TEKT3: variants seen among roughly 807,000 people sequenced by gnomAD.
The protein encoded by TEKT3 is tektin 3, also known as tektin-3.
TEKT3 carries 49 observed loss-of-function variants against 49.8 expected under a neutral mutation model. The ratio of observed to expected loss-of-function variants is 0.98; its 90% CI spans 0.78 to 1.25. TEKT3 has a LOEUF of 1.25. TEKT3 is among the 50% of genes most tolerant of loss of function. The probability of loss-of-function intolerance (pLI) is 0.00; values close to 1 mark genes in which losing one functional copy is unlikely to be tolerated. For synonymous variants in TEKT3, 225 were observed against 237.2 expected (o/e 0.95, Z 0.47); for missense variants, 595 against 629.5 (o/e 0.95, Z 0.59).
At chr17:15,323,913 T>C (rs546799253) in intron 4 of TEKT3, among the ~76,000 whole-genome samples, 45 of 152,342 alleles carry the variant, frequency 3.0e-4, no homozygotes, top group African/African-American at 1.1e-3. Flanking sequence ...GGTTCTTGTT[T>C]TTAAGAAACA....
intron 5 of TEKT3, among the ~76,000 whole-genome samples, chr17:15,315,120 GC>G (rs1186821285): frequency 2.6e-5 from 4 of 152,234 alleles, no homozygotes; most frequent in Non-Finnish European, 5.9e-5. Context: ...TCTCTAAGGA[GC>G]CGACATGTTT....
rs977910819 is a variant in TEKT3, at chr17:15,341,505, C to G, written c.-64+13G>C. ...AGTCCTAGAGGCAGGCTAGAGTCAG[C>G]GAGACCACTCACCTGTCGGCGGATG... On this transcript the variant is annotated intron_variant, in intron 1 of 8. Coordinates refer to ENST00000395930, the MANE Select transcript of TEKT3 (RefSeq NM_031898.3). 2 of 152,246 alleles carry G rather than the reference C, an allele frequency of 1.3e-5. No homozygotes were observed. The highest frequency in any genetic ancestry group is 2.9e-5 in the Non-Finnish European group (2 of 68,110). 9.4% of individuals were successfully genotyped at this position (152,246 alleles called of 1,614,324 possible). A position where few individuals can be genotyped will look rare whatever the true frequency, so the allele number is the denominator to read the frequency against.
intron 7 of TEKT3, among the ~76,000 whole-genome samples, chr17:15,310,219 G>A (rs557802098): frequency 1.3e-5 from 2 of 152,306 alleles, no homozygotes; most frequent in Admixed American, 6.5e-5. Flanking sequence ...GCACCTTTCT[G>A]ATGCAAATTC....
intron 5 of TEKT3, among the ~76,000 whole-genome samples, chr17:15,317,439 C>T (rs1911056334): frequency 6.6e-6 from 1 of 152,112 alleles, no homozygotes; most frequent in Non-Finnish European, 1.5e-5. Context: ...TCCTGGGGAG[C>T]AGAAACCACG....
rs527607996 is a variant in TEKT3, at chr17:15,312,247, C to T, written c.1101+12G>A. 6.8e-6 allele frequency: 11 copies of T among 1,613,286 alleles called. No individual in the cohort carries two copies. The highest frequency in any genetic ancestry group is 1.7e-4 in the Middle Eastern group (1 of 6,058). ...CAGGTCAGCTAAGGGGTACCACTGG[C>T]GGTTGATTTACCTTTGCTAAGTGCG... is the stretch of plus-strand genomic sequence containing the variant. On this transcript the variant is annotated intron_variant, in intron 7 of 8. Transcript: ENST00000395930.
chr17:15,308,519 A>C (rs1014573440), intron 8 of TEKT3, 145 bp downstream of exon 8: 1 of 1,130,216 alleles, frequency 8.8e-7, no homozygotes, highest in African/African-American at 1.5e-5. Flanking sequence ...ACTCTTCTGC[A>C]TTCAACATCT....
At chr17:15,330,794 A>G (rs1306102973) in intron 3 of TEKT3, among the ~76,000 whole-genome samples, 1 of 152,078 alleles carries the variant, frequency 6.6e-6, no homozygotes, top group Non-Finnish European at 1.5e-5. Context: ...ATTCAGAATT[A>G]CCTCTTAAAG....
chr17:15,312,504 GA>G, intron 6 of TEKT3, 23 bp from the exon 7 acceptor site: 1 of 1,606,390 alleles, frequency 6.2e-7, no homozygotes, highest in Non-Finnish European at 8.5e-7. Context: ...AGCAGAAGCA[GA>G]CAACAGTGAG....
rs1910440517 is a variant in TEKT3, at chr17:15,304,161, T to G, written c.1257-9A>C. Reference sequence around the variant, plus strand: ...GTACCTCGTTAACAAGGCTGCAGCATAAAGGAATCAGCATGGTTAGGTCAG... The same window carrying G: ...GTACCTCGTTAACAAGGCTGCAGCAGAAAGGAATCAGCATGGTTAGGTCAG... On this transcript the variant is annotated splice_polypyrimidine_tract_variant and intron_variant, in intron 8 of 8. Transcript: ENST00000395930. The surrounding 1 kb of genome is among the most constrained non-coding windows in gnomAD (Gnocchi z 4.7). 1 of 1,614,048 alleles carries G rather than the reference T, an allele frequency of 6.2e-7. No individual in the cohort carries two copies. The highest frequency in any genetic ancestry group is 8.5e-7 in the Non-Finnish European group (1 of 1,179,954).
rs544786029 is a variant in TEKT3, at chr17:15,306,173, G to A, written c.1257-2021C>T. Among the ~76,000 whole-genome samples, 325 of 151,424 alleles carry A rather than the reference G, an allele frequency of 2.1e-3. 2 individuals carry two copies. The highest frequency in any genetic ancestry group is 2.8e-3 in the Non-Finnish European group (191 of 67,926). On this transcript the variant is annotated intron_variant, in intron 8 of 8. Transcript: ENST00000395930. ...GATTATTTAAGTAGAGCAGAGCCTG[G>A]TCTGTCTGGCCTGCCACCAAAAATG...
At position 15,314,244 on chromosome 17, in the gene TEKT3, T is replaced by G. The variant is rs201966452; in HGVS notation, c.735-14A>C. On this transcript the variant is annotated splice_polypyrimidine_tract_variant and intron_variant, in intron 5 of 8. Transcript: ENST00000395930. ...GCTCTGTTGGCTCTGCAATACAGAGTCGGGAAGTGGAGCTTCACACTCAGG... is the reference window on the plus strand; with the variant it reads ...GCTCTGTTGGCTCTGCAATACAGAGGCGGGAAGTGGAGCTTCACACTCAGG... 1.5e-5 allele frequency: 24 copies of G among 1,613,486 alleles called. No individual in the cohort carries two copies. In the East Asian group the frequency reaches 5.4e-4, roughly 36 times the overall value.
upstream of TEKT3, among the ~76,000 whole-genome samples, chr17:15,342,188 A>C (rs1047925572): frequency 3.3e-5 from 5 of 152,138 alleles, no homozygotes. Flanking sequence ...ACATACATAC[A>C]TCATTGCTCA....
In TEKT3 at chr17:15,317,992, T is replaced by C. The variant is rs945040779; in HGVS notation, c.734+1085A>G. 8.3e-4 allele frequency among the ~76,000 whole-genome samples: 14 copies of C among 16,900 alleles called. No individual in the cohort carries two copies. The South Asian group carries it at 0.016, about 19-fold the overall frequency. 11.1% of individuals were successfully genotyped at this position (16,900 alleles called of 152,430 possible). ...GGTCGGATCTCTTTTTTTTTTTTTC[T>C]TTTTTTTTTTTTTTTGAGACGGAGT... On this transcript the variant is annotated intron_variant, in intron 5 of 8. Coordinates refer to ENST00000395930, the MANE Select transcript of TEKT3 (RefSeq NM_031898.3).
intron 2 of TEKT3, among the ~76,000 whole-genome samples, chr17:15,334,105 A>G (rs894557329): frequency 3.3e-5 from 5 of 152,144 alleles, no homozygotes; most frequent in Non-Finnish European, 2.9e-5. Flanking sequence ...TCTGTTGCCC[A>G]GGCTGGAATG....
intron 2 of TEKT3, among the ~76,000 whole-genome samples, chr17:15,333,929 A>AT (rs1911884402): frequency 6.6e-6 from 1 of 150,562 alleles, no homozygotes; most frequent in Non-Finnish European, 1.5e-5. Context: ...TGCCCGGCTA[A>AT]TTTTTTTGTA....
intron 2 of TEKT3, among the ~76,000 whole-genome samples, chr17:15,333,067 T>G (rs188706437): frequency 1.5e-3 from 229 of 152,102 alleles, no homozygotes; most frequent in Non-Finnish European, 2.8e-3. Context: ...CCACTCCCCC[T>G]GTTAGAACAT....
At chr17:15,323,685 T>TA (rs59505220) in intron 4 of TEKT3, among the ~76,000 whole-genome samples, 2,152 of 152,314 alleles carry the variant, frequency 0.014, 41 homozygotes, top group African/African-American at 0.048. Context: ...CCTACTTTGG[T>TA]AAAAAATAAA....
At position 15,308,719 on chromosome 17, in the gene TEKT3, C is replaced by A. The variant is rs961126206; in HGVS notation, c.1201G>T (p.Asp401Tyr). 13 of 1,613,730 alleles carry A rather than the reference C, an allele frequency of 8.1e-6. 1 individual carries two copies. The highest frequency in any genetic ancestry group is 9.3e-6 in the Non-Finnish European group (11 of 1,179,984). Residue 401 changes from aspartate to tyrosine, a missense_variant, in exon 8 of 9, where the codon GAT (aspartate) becomes TAT (tyrosine). Asp to Tyr is a radical substitution (Grantham distance 160). Transcript: ENST00000395930. ...AFLKVAQTRL[D>Y]ERTRRPNIEL... ...ATGTTCGGCCGTCTTGTGCGCTCAT[C>A]CAGTCTGGTCTGAGCCACCTTCAGG...
chr17:15,327,118 A>G (rs1911522510), intron 4 of TEKT3, among the ~76,000 whole-genome samples: 1 of 152,094 alleles, frequency 6.6e-6, no homozygotes, highest in South Asian at 2.1e-4. Flanking sequence ...AAGGAGTGGG[A>G]TAGGGAAGCA....
Sources: allele counts gnomAD v4.1 joint callset (sites outside exome capture counted in the v4.1 genomes callset), GRCh38; gene constraint gnomAD v4.1.1; non-coding constraint Gnocchi (gnomAD v3.1); transcripts MANE v1.5; gene names NCBI Gene and HGNC (gene_info 2026-07-23, HGNC 2026-07-21).